SLMAP: variants seen among roughly 807,000 people sequenced by gnomAD.
The protein encoded by SLMAP is sarcolemmal membrane-associated protein.
In SLMAP, 44 loss-of-function variants were observed where a neutral mutation model predicts 128.8. That is an observed-to-expected ratio of 0.34 (90% CI 0.27 to 0.44). The LOEUF is 0.44. Among genes scored for constraint, SLMAP ranks in the 20% least tolerant of loss-of-function variants. The pLI is 1.00. For missense variants in SLMAP, 787 were observed against 985.3 expected (o/e 0.80, Z 2.69); for synonymous variants, 327 against 348.8 (o/e 0.94, Z 0.70).
At position 57,884,753 on chromosome 3, in the gene SLMAP, G is replaced by A. The variant is rs111946442; in HGVS notation, c.1301-5288G>A. 3.2e-3 allele frequency among the ~76,000 whole-genome samples: 488 copies of A among 152,194 alleles called. 3 individuals are homozygous for A. Among genetic ancestry groups the A allele is most frequent in the African/African-American group, 0.011 (466 of 41,528 alleles). ...GAGCCCAGAAGGTGGAGATTGCAGT[G>A]GGCAGAGATCACGCCACTGCACTCC... On this transcript the variant is annotated intron_variant, in intron 14 of 24. Transcript: ENST00000671191.
At chr3:57,869,363 C>T (rs540654788) in intron 13 of SLMAP, among the ~76,000 whole-genome samples, 2 of 151,172 alleles carry the variant, frequency 1.3e-5, no homozygotes, top group South Asian at 2.1e-4. Flanking sequence ...ATGTTAATCT[C>T]CTTTGGCAAC....
intron 10 of SLMAP, among the ~76,000 whole-genome samples, chr3:57,862,798 A>G (rs2153602035): frequency 6.6e-6 from 1 of 152,338 alleles, no homozygotes; most frequent in East Asian, 1.9e-4. Context: ...CTATAAAAAA[A>G]GATTTTAGGT....
intron 2 of SLMAP, among the ~76,000 whole-genome samples, chr3:57,821,548 T>C (rs1302716332): frequency 2.0e-5 from 3 of 152,200 alleles, no homozygotes; most frequent in Non-Finnish European, 2.9e-5. Flanking sequence ...AGAAAGGTTA[T>C]ATAAATAAAT....
At chr3:57,802,140 A>G (rs890112366) in intron 2 of SLMAP, among the ~76,000 whole-genome samples, 1 of 152,088 alleles carries the variant, frequency 6.6e-6, no homozygotes, top group African/African-American at 2.4e-5. Flanking sequence ...TTTTTTTGTC[A>G]TTCTATACAG....
intron 2 of SLMAP, among the ~76,000 whole-genome samples, chr3:57,808,534 G>A (rs561046638): frequency 6.6e-6 from 1 of 152,272 alleles, no homozygotes; most frequent in African/African-American, 2.4e-5. Context: ...TCAGGAGCAG[G>A]CTATTCAATT....
chr3:57,916,033 G>A (rs2096802746), intron 21 of SLMAP, among the ~76,000 whole-genome samples: 2 of 151,956 alleles, frequency 1.3e-5, no homozygotes, highest in Non-Finnish European at 2.9e-5. Flanking sequence ...GCGCATGCCT[G>A]TAATCCCAGC....
At chr3:57,921,499 G>A (rs376388403) in intron 22 of SLMAP, among the ~76,000 whole-genome samples, 1 of 151,918 alleles carries the variant, frequency 6.6e-6, no homozygotes, top group East Asian at 2.0e-4. Flanking sequence ...GGCAGCAGGT[G>A]CCCGTAATCG....
At chr3:57,897,539 G>A (rs58670869) in intron 17 of SLMAP, 45,452 of 151,682 alleles carry the variant, frequency 0.3, 7,113 homozygotes, top group East Asian at 0.5. Flanking sequence ...TCTACTAAAA[G>A]TACAAGATTA....
chr3:57,821,594 T>C (rs2092525518), intron 2 of SLMAP, among the ~76,000 whole-genome samples: 1 of 152,184 alleles, frequency 6.6e-6, no homozygotes, highest in South Asian at 2.1e-4. Flanking sequence ...TTACTAAGTT[T>C]GTATACTCTA....
At chr3:57,864,967 T>C in intron 12 of SLMAP, 110 bp downstream of exon 12, 1 of 841,904 alleles carries the variant, frequency 1.2e-6, no homozygotes, top group Non-Finnish European at 1.8e-6. Flanking sequence ...GTATTAGGTA[T>C]AAAGTATCTA....
At chr3:57,853,997 A>T (rs1486485258) in intron 6 of SLMAP, among the ~76,000 whole-genome samples, 2 of 109,234 alleles carry the variant, frequency 1.8e-5, no homozygotes, top group Non-Finnish European at 1.9e-5. Context: ...ATATATATAT[A>T]TATTTACATA....
chr3:57,797,345 G>A (rs1479469397), intron 2 of SLMAP, among the ~76,000 whole-genome samples: 1 of 151,892 alleles, frequency 6.6e-6, no homozygotes, highest in Non-Finnish European at 1.5e-5. Flanking sequence ...TTAGCCAGGC[G>A]TGGTGGTGGG....
intron 18 of SLMAP, 81 bp downstream of exon 18, chr3:57,908,087 G>A (rs910746883): frequency 2.0e-5 from 26 of 1,332,944 alleles, no homozygotes; most frequent in Non-Finnish European, 2.5e-5. Flanking sequence ...CTTGGAGTCC[G>A]GAGGCATGTT....
chr3:57,922,856 G>T (rs1311596998), intron 22 of SLMAP, 33 bp from the exon 23 acceptor site: 2 of 1,600,392 alleles, frequency 1.2e-6, no homozygotes, highest in Non-Finnish European at 1.7e-6. Flanking sequence ...ATTTTAAGTT[G>T]TATCTGCACA....
At chr3:57,909,676 G>A (rs975259731) in intron 19 of SLMAP, among the ~76,000 whole-genome samples, 3 of 151,304 alleles carry the variant, frequency 2.0e-5, no homozygotes, top group African/African-American at 4.9e-5. Context: ...ACAATGGCGC[G>A]GTCTCACCTT....
intron 2 of SLMAP, among the ~76,000 whole-genome samples, chr3:57,782,906 G>A (rs148347433): frequency 3.8e-4 from 58 of 152,260 alleles, no homozygotes; most frequent in Non-Finnish European, 7.4e-4. Context: ...CTGCCATGCA[G>A]TGCTGCAACA....
At chr3:57,783,281 A>G (rs2083427037) in intron 2 of SLMAP, among the ~76,000 whole-genome samples, 1 of 152,200 alleles carries the variant, frequency 6.6e-6, no homozygotes, top group African/African-American at 2.4e-5. Context: ...CATGATCAAA[A>G]TATTGGTAGA....
chr3:57,839,761 G>A (rs992586268), intron 3 of SLMAP, among the ~76,000 whole-genome samples: 50 of 152,202 alleles, frequency 3.3e-4, no homozygotes, highest in African/African-American at 1.2e-3. Context: ...CCACCATCAT[G>A]TTGAGCAGGC....
chr3:57,924,962 T>C (rs553162735), intron 23 of SLMAP, among the ~76,000 whole-genome samples: 1 of 149,728 alleles, frequency 6.7e-6, no homozygotes, highest in Non-Finnish European at 1.5e-5. Flanking sequence ...TTTTTGTTTT[T>C]TTTTTTTTTG....
Sources: gnomAD v4.1 joint callset for allele counts (sites outside exome capture counted in the v4.1 genomes callset) on GRCh38, gnomAD v4.1.1 for gene constraint, MANE v1.5 for transcripts, NCBI Gene and HGNC (gene_info 2026-07-23, HGNC 2026-07-21) for gene names.